Variants in MYOM2 observed in about 807,000 individuals in gnomAD.
The protein encoded by MYOM2 is myomesin 2.
A neutral mutation model predicts 187.6 loss-of-function variants in MYOM2; 254 were observed. The ratio of observed to expected loss-of-function variants is 1.35; its 90% CI spans 1.22 to 1.50. The LOEUF is 1.50. Ranked by LOEUF, MYOM2 falls within the 40% of genes most tolerant of loss-of-function variation. The pLI is 0.00. For missense variants in MYOM2, 2,796 were observed against 1,924.0 expected, an observed-to-expected ratio of 1.45 and a Z score of -8.48; for synonymous variants, 981 against 753.8, an observed-to-expected ratio of 1.30 and a Z score of -4.94.
chr8:2,144,628 A>T, intron 36 of MYOM2, 36 bp from the exon 37 acceptor site: 1 of 1,603,840 alleles, frequency 6.2e-7, no homozygotes. Flanking sequence ...TCCTTTTTCT[A>T]ACTCTTCCTT....
intron 20 of MYOM2, among the ~76,000 whole-genome samples, chr8:2,101,500 C>T (rs1267648229): frequency 2.0e-5 from 3 of 152,238 alleles, no homozygotes. Flanking sequence ...GTTCAGATGA[C>T]CGGGGCGTGG....
intron 6 of MYOM2, 117 bp from the exon 7 acceptor site, chr8:2,069,161 C>G (rs1024296851): frequency 4.2e-6 from 4 of 946,644 alleles, no homozygotes; most frequent in Non-Finnish European, 6.3e-6. Context: ...ACAAATCACT[C>G]ATGAACAAAT....
At chr8:2,098,509 C>G (rs73543089) in intron 18 of MYOM2, among the ~76,000 whole-genome samples, 1 of 152,268 alleles carries the variant, frequency 6.6e-6, no homozygotes, top group South Asian at 2.1e-4. Context: ...TCCTCGAAGC[C>G]TCCGCCCTTG....
At chr8:2,120,191 T>C (rs1376871717) in intron 28 of MYOM2, among the ~76,000 whole-genome samples, 2 of 152,038 alleles carry the variant, frequency 1.3e-5, no homozygotes, top group Non-Finnish European at 2.9e-5. Context: ...GACAGACTCA[T>C]GATTGGGGTC....
At chr8:2,102,611 C>T in intron 20 of MYOM2, 56 bp from the exon 21 acceptor site, 5 of 1,259,298 alleles carry the variant, frequency 4.0e-6, no homozygotes, top group Non-Finnish European at 5.7e-6. Context: ...GTGAAAAACT[C>T]CACAGTCATC....
intron 32 of MYOM2, among the ~76,000 whole-genome samples, chr8:2,139,295 C>A (rs532338108): frequency 6.6e-6 from 1 of 152,134 alleles, no homozygotes; most frequent in African/African-American, 2.4e-5. Flanking sequence ...GTGCTTGCCA[C>A]CACACCCGGC....
At chr8:2,139,234 C>T (rs1177355504) in intron 32 of MYOM2, among the ~76,000 whole-genome samples, 5 of 152,208 alleles carry the variant, frequency 3.3e-5, no homozygotes, top group South Asian at 2.1e-4. Context: ...TTGACCTCCT[C>T]GGGCTCAGGC....
At chr8:2,116,193 AT>A (rs35260587) in intron 26 of MYOM2, 22 bp from the exon 27 acceptor site, 1 of 1,596,536 alleles carries the variant, frequency 6.3e-7, no homozygotes, top group Non-Finnish European at 8.5e-7. Context: ...TTTCATATAT[AT>A]TTTTTTAAAT....
At chr8:2,096,582 A>G (rs1187299154) in intron 18 of MYOM2, 148 bp downstream of exon 18, 3 of 808,644 alleles carry the variant, frequency 3.7e-6, no homozygotes, top group Non-Finnish European at 1.9e-6. Context: ...GAAGTTTTGG[A>G]GCTAAAAAGA....
rs1796389501 is a variant in MYOM2, at chr8:2,093,866, T to A, written c.2004-104T>A. On this transcript the variant is annotated intron_variant, in intron 16 of 36. Coordinates refer to ENST00000262113, the MANE Select transcript of MYOM2 (RefSeq NM_003970.4). ...AATTGAAAATGAAGGATGTATGTTA[T>A]CCATAAAAATTTTTTATGGCGCGTT... 3 of 1,348,604 alleles carry A rather than the reference T, an allele frequency of 2.2e-6. No homozygotes were observed. The East Asian group carries it at 6.9e-5, about 31-fold the overall frequency. The allele number at this position is 1,348,604 out of a possible 1,614,324, so 83.5% of individuals were successfully genotyped here.
chr8:2,083,407 C>T (rs71499058), intron 13 of MYOM2, among the ~76,000 whole-genome samples: 40,157 of 150,546 alleles, frequency 0.27, 5,452 homozygotes, highest in East Asian at 0.33. Context: ...TGCCTAGTGG[C>T]ATCTCACGTG....
rs747484319 is a variant in MYOM2, at chr8:2,057,702, G to C, written c.482G>C (p.Arg161Pro). 6.2e-7 allele frequency: 1 copy of C among 1,614,116 alleles called. No individual in the cohort carries two copies. The highest frequency in any genetic ancestry group is 1.7e-5 in the Admixed American group (1 of 60,012). The change falls in exon 5 of 37, where the codon CGA (arginine) becomes CCA (proline). Residue 161 changes from arginine to proline, a missense_variant. Physicochemically the swap from Arg to Pro is moderately radical, Grantham distance 103. Transcript: ENST00000262113. ...GCTCCTGAGATCCTGGTGCGGCTGC[G>C]ATCCCACACCGTCTGGGAGAGGATG... ...SRAPEILVRL[R>P]SHTVWERMSV...
At chr8:2,099,697 G>C (rs1341951808) in intron 19 of MYOM2, among the ~76,000 whole-genome samples, 1 of 152,184 alleles carries the variant, frequency 6.6e-6, no homozygotes, top group Non-Finnish European at 1.5e-5. Context: ...TGGGGCCACA[G>C]GTTCATGTCA....
At chr8:2,112,257 C>G (rs906551957) in intron 25 of MYOM2, among the ~76,000 whole-genome samples, 1 of 152,006 alleles carries the variant, frequency 6.6e-6, no homozygotes, top group African/African-American at 2.4e-5. Flanking sequence ...AAGATAGAAC[C>G]CAGGTTATAT....
At chr8:2,072,301 C>T (rs1460610692) in intron 8 of MYOM2, 44 bp from the exon 9 acceptor site, 1 of 1,562,634 alleles carries the variant, frequency 6.4e-7, no homozygotes, top group Non-Finnish European at 8.6e-7. Flanking sequence ...TCGTTTCATG[C>T]TCTCTGCCCT....
In MYOM2 at chr8:2,046,330, C is replaced by T. The variant is rs561086182; in HGVS notation, c.-13+1162C>T. 6.6e-5 allele frequency among the ~76,000 whole-genome samples: 10 copies of T among 152,316 alleles called. No individual in the cohort carries two copies. In the East Asian group the frequency reaches 1.7e-3, roughly 26 times the overall value. On this transcript the variant is annotated intron_variant, in intron 1 of 36. Transcript: ENST00000262113. ...GTGGTCCCCTGCACTGGAGGAGAGG[C>T]TCGCGTTTCATCCTGGTGTCATGAT...
intron 29 of MYOM2, 58 bp from the exon 30 acceptor site, chr8:2,123,497 C>A: frequency 6.6e-7 from 1 of 1,517,504 alleles, no homozygotes; most frequent in East Asian, 2.3e-5. Context: ...GAGTTTATTA[C>A]GTTTTCTAAG....
At chr8:2,060,579 G>C (rs561738447) in intron 6 of MYOM2, among the ~76,000 whole-genome samples, 2 of 152,268 alleles carry the variant, frequency 1.3e-5, no homozygotes, top group South Asian at 4.1e-4. Flanking sequence ...TGACTAAACT[G>C]TAAAGCAGTG....
At chr8:2,052,370 G>C in intron 3 of MYOM2, 57 bp downstream of exon 3, 1 of 1,521,736 alleles carries the variant, frequency 6.6e-7, no homozygotes, top group Non-Finnish European at 8.8e-7. Context: ...ACAGTGGAGG[G>C]ACAGTGGGGT....
Sources: gnomAD v4.1 joint callset for allele counts (sites outside exome capture counted in the v4.1 genomes callset) on GRCh38, gnomAD v4.1.1 for gene constraint, MANE v1.5 for transcripts, NCBI Gene and HGNC (gene_info 2026-07-23, HGNC 2026-07-21) for gene names.